NCAM2: variants seen among roughly 807,000 people sequenced by gnomAD.
The protein encoded by NCAM2 is neural cell adhesion molecule 2, also known as N-CAM-2.
In NCAM2, 30 loss-of-function variants were observed where a neutral mutation model predicts 98.1. The observed-to-expected ratio is 0.31, with a 90% CI of 0.23 to 0.41. NCAM2 has a LOEUF of 0.41. NCAM2 is among the 10% of genes least tolerant of loss of function. NCAM2 has a pLI of 1.00. For missense variants in NCAM2, 867 were observed against 1,005.8 expected (o/e 0.86, Z 1.87); for synonymous variants, 368 against 342.4 (o/e 1.07, Z -0.83).
chr21:21,305,967 T>C (rs971194055), intron 5 of NCAM2, among the ~76,000 whole-genome samples: 1 of 152,178 alleles, frequency 6.6e-6, no homozygotes, highest in African/African-American at 2.4e-5. Flanking sequence ...TTTTAAAATG[T>C]TTTGTAATTT....
At chr21:21,146,911 C>CACTCCGGAACTCATACCGCTGCCTTCT (rs2067290403) in intron 1 of NCAM2, among the ~76,000 whole-genome samples, 7 of 150,976 alleles carry the variant, frequency 4.6e-5, no homozygotes, top group South Asian at 4.2e-4. Context: ...CGCCCTGTCC[C>CACTCCGGAACTCATACCGCTGCCTTCT]ACTCCGGAAC....
At chr21:21,200,055 A>ATGTCTC (rs892821581) in intron 1 of NCAM2, among the ~76,000 whole-genome samples, 2 of 152,064 alleles carry the variant, frequency 1.3e-5, no homozygotes, top group Non-Finnish European at 2.9e-5. Flanking sequence ...AAGAAAGAAA[A>ATGTCTC]TGTCTCTGTC....
At chr21:21,424,705 G>A (rs569284192) in intron 11 of NCAM2, among the ~76,000 whole-genome samples, 2 of 152,180 alleles carry the variant, frequency 1.3e-5, no homozygotes, top group South Asian at 4.1e-4. Flanking sequence ...GCTTAGAGAG[G>A]TAGAGAGAAG....
At chr21:21,290,883 G>A (rs184742910) in intron 4 of NCAM2, among the ~76,000 whole-genome samples, 5 of 151,940 alleles carry the variant, frequency 3.3e-5, no homozygotes, top group African/African-American at 1.2e-4. Flanking sequence ...GCTCACTCAT[G>A]CAAAGTCCAG....
At chr21:21,289,489 C>T (rs1360592903) in intron 4 of NCAM2, among the ~76,000 whole-genome samples, 1 of 151,880 alleles carries the variant, frequency 6.6e-6, no homozygotes, top group African/African-American at 2.4e-5. Flanking sequence ...TTTAAATATA[C>T]ACACGTATTA....
intron 1 of NCAM2, among the ~76,000 whole-genome samples, chr21:21,110,606 T>C (rs536216048): frequency 3.0e-4 from 45 of 150,702 alleles, no homozygotes; most frequent in Non-Finnish European, 5.6e-4. Flanking sequence ...CCCTGGTAGT[T>C]TCATGGATCT....
At chr21:21,312,825 C>T (rs1181181947) in intron 5 of NCAM2, among the ~76,000 whole-genome samples, 1 of 151,734 alleles carries the variant, frequency 6.6e-6, no homozygotes, top group Non-Finnish European at 1.5e-5. Flanking sequence ...TTTTTAAATT[C>T]AACAGATAAA....
chr21:21,265,347 T>C (rs951630048), intron 1 of NCAM2, among the ~76,000 whole-genome samples: 8 of 120,646 alleles, frequency 6.6e-5, no homozygotes, highest in East Asian at 2.4e-4. Context: ...TATGTGTATG[T>C]ATGTATATAT....
chr21:21,193,261 T>C (rs2068885304), intron 1 of NCAM2, among the ~76,000 whole-genome samples: 1 of 151,568 alleles, frequency 6.6e-6, no homozygotes, highest in African/African-American at 2.4e-5. Flanking sequence ...TGGTATTTTA[T>C]TAGATTATTA....
intron 16 of NCAM2, among the ~76,000 whole-genome samples, chr21:21,517,998 T>C (rs779585065): frequency 1.3e-5 from 2 of 152,220 alleles, no homozygotes; most frequent in Non-Finnish European, 2.9e-5. Flanking sequence ...TTCTGACTTC[T>C]GTGAACATTT....
intron 1 of NCAM2, among the ~76,000 whole-genome samples, chr21:21,064,598 C>T (rs1316646388): frequency 6.6e-6 from 1 of 152,124 alleles, no homozygotes; most frequent in African/African-American, 2.4e-5. Context: ...TCTCTTGCCC[C>T]TCAGGGTTCA....
At chr21:21,397,333 C>T (rs2145855433) in intron 9 of NCAM2, among the ~76,000 whole-genome samples, 1 of 152,312 alleles carries the variant, frequency 6.6e-6, no homozygotes, top group African/African-American at 2.4e-5. Flanking sequence ...AGGCTGTCTG[C>T]CTCCTGCTGC....
chr21:21,147,149 C>G (rs2067303524), intron 1 of NCAM2: 1 of 943,716 alleles, frequency 1.1e-6, no homozygotes, highest in Non-Finnish European at 1.2e-6. Context: ...CCTGAAATCT[C>G]GCGCCCTGTC....
chr21:21,250,764 A>G (rs1222865585), intron 1 of NCAM2, among the ~76,000 whole-genome samples: 1 of 152,238 alleles, frequency 6.6e-6, no homozygotes, highest in Non-Finnish European at 1.5e-5. Context: ...GCAAACTTTC[A>G]CTTCATTATG....
intron 15 of NCAM2, among the ~76,000 whole-genome samples, chr21:21,489,719 C>A (rs1986689734): frequency 6.6e-6 from 1 of 151,988 alleles, no homozygotes; most frequent in African/African-American, 2.4e-5. Flanking sequence ...CGAGGCATTT[C>A]CAAATTAATC....
chr21:21,222,328 A>G (rs1306779122), intron 1 of NCAM2, among the ~76,000 whole-genome samples: 1 of 152,188 alleles, frequency 6.6e-6, no homozygotes, highest in Non-Finnish European at 1.5e-5. Context: ...TATTAAAGCA[A>G]TACATTTCAT....
chr21:21,402,160 G>T (rs1396572722), intron 9 of NCAM2, among the ~76,000 whole-genome samples: 1 of 152,158 alleles, frequency 6.6e-6, no homozygotes, highest in Non-Finnish European at 1.5e-5. Context: ...AGTAAGGTCT[G>T]ACTGCCTGCA....
chr21:21,219,166 AT>A (rs373140494), intron 1 of NCAM2, among the ~76,000 whole-genome samples: 15 of 151,508 alleles, frequency 9.9e-5, no homozygotes, highest in East Asian at 3.9e-4. Context: ...TTTCTTTGCA[AT>A]TTTTTTTTAG....
chr21:21,526,072 C>A (rs1989305434), intron 16 of NCAM2, among the ~76,000 whole-genome samples: 1 of 151,988 alleles, frequency 6.6e-6, no homozygotes, highest in African/African-American at 2.4e-5. Flanking sequence ...TAGAAGCTGT[C>A]CCCACTATAT....
Sources: gnomAD v4.1 joint callset for allele counts (sites outside exome capture counted in the v4.1 genomes callset) on GRCh38, gnomAD v4.1.1 for gene constraint, MANE v1.5 for transcripts, NCBI Gene and HGNC (gene_info 2026-07-23, HGNC 2026-07-21) for gene names.